CLNK: variants seen among roughly 807,000 people sequenced by gnomAD.
CLNK encodes the protein cytokine-dependent hematopoietic cell linker.
CLNK carries 74 observed loss-of-function variants against 68.6 expected under a neutral mutation model. That is an observed-to-expected ratio of 1.08 (90% CI 0.89 to 1.31). The LOEUF is 1.31. CLNK is among the 50% of genes most tolerant of loss of function. The pLI, the probability that CLNK is intolerant of heterozygous loss-of-function variation, is 0.00. For missense variants in CLNK, 553 were observed against 515.3 expected, an observed-to-expected ratio of 1.07 and a Z score of -0.71; for synonymous variants, 198 against 172.2, an observed-to-expected ratio of 1.15 and a Z score of -1.17.
intron 17 of CLNK, among the ~76,000 whole-genome samples, chr4:10,503,631 A>G (rs1293511200): frequency 3.4e-5 from 5 of 148,592 alleles, no homozygotes; most frequent in Non-Finnish European, 7.4e-5. Context: ...TAATAATACT[A>G]TATAATATAA....
intron 1 of CLNK, among the ~76,000 whole-genome samples, chr4:10,676,487 G>A (rs1018350118): frequency 1.3e-5 from 2 of 148,276 alleles, no homozygotes; most frequent in South Asian, 4.2e-4. Context: ...CAACTGTCCT[G>A]GTAATGAGTA....
intron 2 of CLNK, among the ~76,000 whole-genome samples, chr4:10,664,679 G>A (rs1053672982): frequency 6.6e-6 from 1 of 152,230 alleles, no homozygotes; most frequent in African/African-American, 2.4e-5. Context: ...GGCTGTAGCA[G>A]CTGAGATTCT....
At chr4:10,633,624 A>C (rs560189656) in intron 2 of CLNK, among the ~76,000 whole-genome samples, 1 of 152,224 alleles carries the variant, frequency 6.6e-6, no homozygotes, top group East Asian at 1.9e-4. Context: ...TCTATCTGCA[A>C]GGTCTCCAAA....
the CLNK span, among the ~76,000 whole-genome samples, chr4:10,708,384 A>G: frequency 6.7e-6 from 1 of 150,292 alleles, no homozygotes; most frequent in Non-Finnish European, 1.5e-5. Context: ...GGTGAACACT[A>G]TTTTTTTTTT....
chr4:10,578,411 C>T (rs1044885863), intron 4 of CLNK, among the ~76,000 whole-genome samples: 2 of 151,974 alleles, frequency 1.3e-5, no homozygotes, highest in Non-Finnish European at 2.9e-5. Flanking sequence ...CACAGAGATT[C>T]GGTGGACACC....
chr4:10,645,452 G>T lies in CLNK; in HGVS notation c.11+22407C>A, dbSNP rs527694735. On this transcript the variant is annotated intron_variant, in intron 2 of 18. Coordinates refer to ENST00000226951, the MANE Select transcript of CLNK (RefSeq NM_052964.4). ...ATATCCATTCCTCTCCTTTCGGAGG[G>T]TAAGAACCTTATAAATCTCCATGCT... is the stretch of plus-strand genomic sequence containing the variant. 1.3e-4 allele frequency among the ~76,000 whole-genome samples: 20 copies of T among 152,252 alleles called. No individual in the cohort carries two copies. In the South Asian group the frequency reaches 3.3e-3, roughly 25 times the overall value.
upstream of CLNK, among the ~76,000 whole-genome samples, chr4:10,687,349 T>C (rs548510870): frequency 6.6e-6 from 1 of 152,252 alleles, no homozygotes; most frequent in Admixed American, 6.5e-5. Flanking sequence ...GGCGAATGTG[T>C]TCTACTCTGT....
chr4:10,674,759 T>G (rs1246787913), intron 1 of CLNK, among the ~76,000 whole-genome samples: 1 of 152,204 alleles, frequency 6.6e-6, no homozygotes, highest in Non-Finnish European at 1.5e-5. Flanking sequence ...TATATTTGAT[T>G]AGCTCATTAA....
At chr4:10,562,944 A>T (rs556802251) in intron 7 of CLNK, among the ~76,000 whole-genome samples, 9 of 152,278 alleles carry the variant, frequency 5.9e-5, no homozygotes, top group African/African-American at 2.2e-4. Flanking sequence ...ATTGTGTCTG[A>T]TCCTAGCAGG....
At chr4:10,609,507 T>C (rs929909566) in intron 2 of CLNK, among the ~76,000 whole-genome samples, 1 of 152,204 alleles carries the variant, frequency 6.6e-6, no homozygotes, top group Non-Finnish European at 1.5e-5. Context: ...TTTGCATGCA[T>C]AACTTCTACC....
intron 2 of CLNK, among the ~76,000 whole-genome samples, chr4:10,655,719 G>T (rs1363705286): frequency 7.5e-6 from 1 of 133,678 alleles, no homozygotes; most frequent in African/African-American, 2.9e-5. Context: ...GTGCGATCTC[G>T]GCTCACTGCA....
At chr4:10,726,665 G>T in the CLNK span, among the ~76,000 whole-genome samples, 1 of 152,156 alleles carries the variant, frequency 6.6e-6, no homozygotes, top group African/African-American at 2.4e-5. Context: ...TATTAATGAA[G>T]ATTAAAACAA....
chr4:10,587,976 C>A (rs1477038231), intron 3 of CLNK, among the ~76,000 whole-genome samples: 1 of 152,158 alleles, frequency 6.6e-6, no homozygotes, highest in African/African-American at 2.4e-5. Flanking sequence ...AGGAGCAAAT[C>A]ATTTATCGAC....
intron 1 of CLNK, among the ~76,000 whole-genome samples, chr4:10,678,640 C>G (rs996297765): frequency 2.0e-5 from 3 of 151,972 alleles, no homozygotes; most frequent in Admixed American, 2.0e-4. Flanking sequence ...TCATCTCAGC[C>G]CAAAATCTCC....
At chr4:10,708,114 G>A in the CLNK span, among the ~76,000 whole-genome samples, 5 of 152,138 alleles carry the variant, frequency 3.3e-5, no homozygotes, top group African/African-American at 4.8e-5. Flanking sequence ...GGAGGAAGTG[G>A]CAGGAGGAAG....
intron 16 of CLNK, among the ~76,000 whole-genome samples, chr4:10,511,169 TAA>T (rs939963539): frequency 6.8e-6 from 1 of 147,620 alleles, no homozygotes. Flanking sequence ...CAAAAAAAAT[TAA>T]AAAAAAAAAA....
intron 3 of CLNK, among the ~76,000 whole-genome samples, chr4:10,593,913 G>A (rs1282398221): frequency 6.6e-6 from 1 of 152,184 alleles, no homozygotes; most frequent in African/African-American, 2.4e-5. Context: ...ATGGAAAGGA[G>A]ACTAGTGCTT....
intron 3 of CLNK, among the ~76,000 whole-genome samples, chr4:10,586,332 T>C (rs1374811241): frequency 9.0e-6 from 1 of 111,476 alleles, no homozygotes; most frequent in East Asian, 3.1e-4. Flanking sequence ...CTTTCTTTTT[T>C]TTTCTTTTTT....
At chr4:10,706,844 T>A in the CLNK span, among the ~76,000 whole-genome samples, 1 of 152,246 alleles carries the variant, frequency 6.6e-6, no homozygotes, top group Middle Eastern at 3.4e-3. Flanking sequence ...AGGACCACCC[T>A]CTTGGCCAAA....
Sources: allele counts gnomAD v4.1 joint callset (sites outside exome capture counted in the v4.1 genomes callset), GRCh38; gene constraint gnomAD v4.1.1; transcripts MANE v1.5; gene names NCBI Gene and HGNC (gene_info 2026-07-23, HGNC 2026-07-21).